Variants in RARB observed in about 807,000 individuals in gnomAD.
RARB encodes the protein retinoic acid receptor beta.
Under a neutral mutation model 51.9 loss-of-function variants are expected in RARB, and 17 were observed. The observed-to-expected ratio is 0.33, with a 90% confidence interval of 0.22 to 0.49. The LOEUF (loss-of-function observed/expected upper bound fraction) is 0.49. RARB is among the 20% of genes least tolerant of loss of function. The pLI, the probability that RARB is intolerant of heterozygous loss-of-function variation, is 0.99. For missense variants in RARB, 369 were observed against 550.8 expected (o/e 0.67, Z 3.30); for synonymous variants, 215 against 195.4 (o/e 1.10, Z -0.84).
chr3:25,342,878 C>T (rs1705271487), intron 5 of RARB, among the ~76,000 whole-genome samples: 1 of 151,962 alleles, frequency 6.6e-6, no homozygotes, highest in Non-Finnish European at 1.5e-5. Flanking sequence ...GAGGTTGTAG[C>T]CTTGAAAGAT....
intron 5 of RARB, among the ~76,000 whole-genome samples, chr3:25,269,715 T>C (rs1319273587): frequency 6.6e-6 from 1 of 152,226 alleles, no homozygotes; most frequent in African/African-American, 2.4e-5. Flanking sequence ...TTAAGGGCTT[T>C]ATGACTTTGC....
chr3:25,256,980 T>C (rs1702882550), intron 5 of RARB, among the ~76,000 whole-genome samples: 2 of 152,056 alleles, frequency 1.3e-5, no homozygotes, highest in Non-Finnish European at 2.9e-5. Flanking sequence ...CAAAATATCA[T>C]ACGATAAGGA....
chr3:25,018,285 G>A (rs557849124), intron 2 of RARB, among the ~76,000 whole-genome samples: 17 of 152,274 alleles, frequency 1.1e-4, no homozygotes, highest in African/African-American at 3.9e-4. Context: ...GGCCATGATA[G>A]GCAGGTAGAT....
At chr3:24,945,848 G>T (rs773554243) in intron 2 of RARB, among the ~76,000 whole-genome samples, 2 of 152,174 alleles carry the variant, frequency 1.3e-5, no homozygotes, top group African/African-American at 4.8e-5. Flanking sequence ...TGAACAACAA[G>T]GCCAATGCAT....
In RARB at chr3:25,594,539, A is replaced by T; in HGVS notation, c.1011A>T (p.Glu337Asp). The part of the protein sequence containing the change: ...LICGDRQDLE[E>D]PTKVDKLQEP... ...ATCCAGACCGCCAGGACCTTGAGGA[A>T]CCGACAAAAGTAGATAAGCTACAAG... The change falls in exon 7 of 8, where the codon GAA becomes GAT. Residue 337 changes from glutamate (E) to aspartate (D), a missense_variant. Coordinates refer to ENST00000330688, the MANE Select transcript of RARB (RefSeq NM_000965.5). 6.2e-7 allele frequency: 1 copy of T among 1,610,554 alleles called. No individual in the cohort carries two copies. The highest frequency in any genetic ancestry group is 8.5e-7 in the Non-Finnish European group (1 of 1,178,956).
At position 25,590,666 on chromosome 3, in the gene RARB, C is replaced by T. The variant is rs548818108; in HGVS notation, c.787-2837C>T. Among the ~76,000 whole-genome samples, 8 of 152,230 alleles carry T rather than the reference C, an allele frequency of 5.3e-5. No homozygotes were observed. The East Asian group carries it at 7.7e-4, about 15-fold the overall frequency. On this transcript the variant is annotated intron_variant, in intron 5 of 7. Transcript: ENST00000330688. ...TGCCCAGCAGATGGGACTACAGGTG[C>T]GCTTCACCAGGCCTGGCTAATTTTT...
chr3:24,944,322 C>T (rs1559406109), intron 2 of RARB, among the ~76,000 whole-genome samples: 1 of 152,192 alleles, frequency 6.6e-6, no homozygotes, highest in Non-Finnish European at 1.5e-5. Flanking sequence ...GAGTCCAGTG[C>T]TTGACACATA....
chr3:25,216,494 CA>C (rs370345905), intron 5 of RARB, among the ~76,000 whole-genome samples: 28 of 151,690 alleles, frequency 1.8e-4, no homozygotes, highest in African/African-American at 6.5e-4. Flanking sequence ...AACAGAAAAC[CA>C]AACACTGCAT....
chr3:25,425,088 A>C (rs1317266909), upstream of RARB, among the ~76,000 whole-genome samples: 1 of 152,226 alleles, frequency 6.6e-6, no homozygotes, highest in East Asian at 1.9e-4. Context: ...GATCAAACAC[A>C]AAGAAAATAG....
intron 2 of RARB, among the ~76,000 whole-genome samples, chr3:24,871,219 A>G (rs1226806458): frequency 1.3e-5 from 2 of 152,146 alleles, no homozygotes; most frequent in Admixed American, 6.6e-5. Context: ...TAGGTTAAGG[A>G]AATTCACTTC....
chr3:25,357,453 C>G (rs558865904), intron 5 of RARB, among the ~76,000 whole-genome samples: 1 of 152,152 alleles, frequency 6.6e-6, no homozygotes, highest in Non-Finnish European at 1.5e-5. Context: ...TTCTCCCATT[C>G]TGTAGGTTGC....
chr3:25,476,670 T>G lies in RARB; in HGVS notation c.306+15329T>G, dbSNP rs541182189. ...GGCACCTGCTATCCTTGTCTTTATGTGAGAGACCCAGTCGTGGGCCTACAA... is the reference window on the plus strand; with the variant it reads ...GGCACCTGCTATCCTTGTCTTTATGGGAGAGACCCAGTCGTGGGCCTACAA... On this transcript the variant is annotated intron_variant, in intron 2 of 7. Coordinates refer to ENST00000330688, the MANE Select transcript of RARB (RefSeq NM_000965.5). Among the ~76,000 whole-genome samples the G allele has an allele frequency of 8.9e-4, 136 of 152,296 alleles. 1 individual carries two copies. The highest frequency in any genetic ancestry group is 1.5e-3 in the Non-Finnish European group (104 of 68,012).
In RARB at chr3:25,352,032, A is replaced by G. The variant is rs183870690; in HGVS notation, c.179-109161A>G. 4.6e-5 allele frequency among the ~76,000 whole-genome samples: 7 copies of G among 152,282 alleles called. No homozygotes were observed. In the East Asian group the frequency reaches 1.4e-3, roughly 29 times the overall value. On this transcript the variant is annotated intron_variant, in intron 5 of 11. Transcript: ENST00000383772. Reference sequence around the variant, plus strand: ...AGTGTCCTGTGAGTTTGCACCCTGAATGCAAACACTGCTCCAAGGCACTGT... The same window carrying G: ...AGTGTCCTGTGAGTTTGCACCCTGAGTGCAAACACTGCTCCAAGGCACTGT...
intron 2 of RARB, among the ~76,000 whole-genome samples, chr3:24,921,806 C>T (rs1695222785): frequency 1.3e-5 from 2 of 152,204 alleles, no homozygotes; most frequent in Non-Finnish European, 2.9e-5. Context: ...ATAATCTCTG[C>T]AATTAGCAAT....
At chr3:25,237,980 C>T (rs1702342852) in intron 5 of RARB, among the ~76,000 whole-genome samples, 1 of 152,160 alleles carries the variant, frequency 6.6e-6, no homozygotes, top group South Asian at 2.1e-4. Flanking sequence ...TATCCATCAC[C>T]TTGAGAATTT....
chr3:24,861,738 G>A (rs7651101), intron 2 of RARB, among the ~76,000 whole-genome samples: 16,478 of 152,078 alleles, frequency 0.11, 1,413 homozygotes, highest in East Asian at 0.27. Flanking sequence ...CATTCAAGCT[G>A]CAGTGATATC....
intron 2 of RARB, among the ~76,000 whole-genome samples, chr3:24,873,900 T>C (rs928254644): frequency 5.9e-5 from 9 of 152,084 alleles, no homozygotes; most frequent in African/African-American, 1.9e-4. Flanking sequence ...TTTGTACCCA[T>C]AGGTTTTGCA....
intron 3 of RARB, among the ~76,000 whole-genome samples, chr3:25,531,057 A>G (rs1164946582): frequency 6.6e-6 from 1 of 152,204 alleles, no homozygotes; most frequent in African/African-American, 2.4e-5. Flanking sequence ...ATAGAAAGAG[A>G]TAAGGAAGTA....
chr3:25,329,694 G>C (rs9815892), intron 5 of RARB, among the ~76,000 whole-genome samples: 1 of 152,040 alleles, frequency 6.6e-6, no homozygotes, highest in Non-Finnish European at 1.5e-5. Context: ...GACTTCAGAC[G>C]ATCAGTAATA....
Sources: gnomAD v4.1 joint callset for allele counts (sites outside exome capture counted in the v4.1 genomes callset) on GRCh38, gnomAD v4.1.1 for gene constraint, MANE v1.5 for transcripts, NCBI Gene and HGNC (gene_info 2026-07-23, HGNC 2026-07-21) for gene names.